EGFLAM: variants seen among roughly 807,000 people sequenced by gnomAD.
The protein encoded by EGFLAM is pikachurin.
EGFLAM carries 79 observed loss-of-function variants against 113.1 expected under a neutral mutation model. The ratio of observed to expected loss-of-function variants is 0.70; its 90% CI spans 0.58 to 0.84. EGFLAM has a LOEUF of 0.84. EGFLAM is among the 40% of genes least tolerant of loss of function. The probability of loss-of-function intolerance (pLI) is 0.00; values close to 1 mark genes in which losing one functional copy is unlikely to be tolerated. For missense variants in EGFLAM, 1,265 were observed against 1,291.6 expected, an observed-to-expected ratio of 0.98 and a Z score of 0.32; for synonymous variants, 504 against 487.6, an observed-to-expected ratio of 1.03 and a Z score of -0.44.
intron 19 of EGFLAM, 24 bp from the exon 20 acceptor site, chr5:38,458,287 T>C: frequency 6.2e-7 from 1 of 1,608,460 alleles, no homozygotes; most frequent in Non-Finnish European, 8.5e-7. Context: ...CTGTTCTCTG[T>C]CTTCTTCTTC....
chr5:38,453,400 C>A (rs550075995), intron 19 of EGFLAM, among the ~76,000 whole-genome samples: 1 of 152,212 alleles, frequency 6.6e-6, no homozygotes, highest in African/African-American at 2.4e-5. Flanking sequence ...TACTGACAGC[C>A]CAAGTAGGAT....
chr5:38,293,898 A>C (rs1468308953), intron 1 of EGFLAM, among the ~76,000 whole-genome samples: 2 of 152,234 alleles, frequency 1.3e-5, no homozygotes, highest in East Asian at 3.8e-4. Context: ...ATTAAGGAAC[A>C]GTAAATTCAG....
At chr5:38,420,298 A>T (rs1042179399) in intron 12 of EGFLAM, among the ~76,000 whole-genome samples, 5 of 152,250 alleles carry the variant, frequency 3.3e-5, no homozygotes. Flanking sequence ...CCATCCATTG[A>T]TTACTTGGTC....
At chr5:38,362,247 T>A (rs1261866428) in intron 5 of EGFLAM, among the ~76,000 whole-genome samples, 7 of 152,252 alleles carry the variant, frequency 4.6e-5, no homozygotes, top group Non-Finnish European at 1.0e-4. Context: ...TGGATATGAC[T>A]AACTTGAAAG....
intron 1 of EGFLAM, among the ~76,000 whole-genome samples, chr5:38,265,617 G>A (rs1561254499): frequency 6.6e-6 from 1 of 152,232 alleles, no homozygotes; most frequent in Non-Finnish European, 1.5e-5. Flanking sequence ...TCGCCTTCGA[G>A]GAAGGACCCC....
chr5:38,460,139 A>T (rs1365557617), intron 20 of EGFLAM, among the ~76,000 whole-genome samples: 1 of 152,186 alleles, frequency 6.6e-6, no homozygotes, highest in African/African-American at 2.4e-5. Context: ...TGAGCTCTTT[A>T]CCTCTAACCA....
chr5:38,336,423 G>C lies in EGFLAM; in HGVS notation c.98-1097G>C, dbSNP rs150977075. On this transcript the variant is annotated intron_variant, in intron 1 of 21. Coordinates refer to ENST00000322350, the MANE Select transcript of EGFLAM (RefSeq NM_152403.4). ...CCCGTCTCTACTAGAAAATACAAAA[G>C]ATTAGCCGGGCATGGTGGCGAGCTC... Among the ~76,000 whole-genome samples the C allele has an allele frequency of 6.2e-3, 940 of 152,134 alleles. 11 individuals carry two copies. The highest frequency in any genetic ancestry group is 0.021 in the African/African-American group (873 of 41,496).
At chr5:38,280,273 T>G (rs902776650) in intron 1 of EGFLAM, among the ~76,000 whole-genome samples, 12 of 152,228 alleles carry the variant, frequency 7.9e-5, no homozygotes, top group African/African-American at 2.9e-4. Context: ...TTCCGGCATG[T>G]TCTGCCGTGC....
In EGFLAM at chr5:38,418,149, G is replaced by A. The variant is rs1579903000; in HGVS notation, c.1578G>A (p.Gly526=). The change falls in exon 12 of 22, where the codon GGG becomes GGA. Residue 526 remains glycine (G), a synonymous_variant. Transcript: ENST00000322350. ...PSAYWLVRAT[G]TNRGFQGCVQ... Reference sequence around the variant, plus strand: ...CTTACTGGTTGGTTAGAGCAACAGGGACAAACCGAGGCTTTCAAGGCTGTG... The same window carrying A: ...CTTACTGGTTGGTTAGAGCAACAGGAACAAACCGAGGCTTTCAAGGCTGTG... 6.2e-7 allele frequency: 1 copy of A among 1,614,192 alleles called. No individual in the cohort carries two copies. The highest frequency in any genetic ancestry group is 2.2e-5 in the East Asian group (1 of 44,872).
At chr5:38,362,313 A>G (rs1420700495) in intron 5 of EGFLAM, among the ~76,000 whole-genome samples, 1 of 152,214 alleles carries the variant, frequency 6.6e-6, no homozygotes, top group Non-Finnish European at 1.5e-5. Flanking sequence ...AGAGCTCGTC[A>G]TCATAACTAA....
intron 1 of EGFLAM, among the ~76,000 whole-genome samples, chr5:38,281,338 A>C (rs528044895): frequency 1.3e-5 from 2 of 151,588 alleles, no homozygotes; most frequent in East Asian, 3.9e-4. Flanking sequence ...GCCCAGCTGA[A>C]TTTGAATTTC....
At chr5:38,354,785 G>T (rs1411100092) in intron 5 of EGFLAM, among the ~76,000 whole-genome samples, 1 of 152,166 alleles carries the variant, frequency 6.6e-6, no homozygotes, top group Non-Finnish European at 1.5e-5. Flanking sequence ...GATAATCTGT[G>T]TAACCCTGAG....
At chr5:38,396,056 C>G (rs1740953001) in intron 6 of EGFLAM, among the ~76,000 whole-genome samples, 2 of 152,110 alleles carry the variant, frequency 1.3e-5, no homozygotes, top group Non-Finnish European at 2.9e-5. Flanking sequence ...TCACTGTACC[C>G]ACTCTTTAAA....
chr5:38,396,176 A>G (rs1016178485), intron 6 of EGFLAM, among the ~76,000 whole-genome samples: 4 of 152,160 alleles, frequency 2.6e-5, no homozygotes, highest in Non-Finnish European at 4.4e-5. Context: ...TCCCATAAAC[A>G]TATCACATGC....
intron 6 of EGFLAM, among the ~76,000 whole-genome samples, chr5:38,387,588 T>C (rs1740698985): frequency 6.6e-6 from 1 of 152,252 alleles, no homozygotes; most frequent in Admixed American, 6.5e-5. Flanking sequence ...ATTCTGACAG[T>C]GAATTCTCAG....
At chr5:38,262,593 G>A (rs1471737167) in intron 1 of EGFLAM, among the ~76,000 whole-genome samples, 1 of 151,988 alleles carries the variant, frequency 6.6e-6, no homozygotes, top group Non-Finnish European at 1.5e-5. Flanking sequence ...GTCATATTTT[G>A]TGTCCACCCT....
chr5:38,356,553 G>A (rs1739767574), intron 5 of EGFLAM, among the ~76,000 whole-genome samples: 1 of 152,140 alleles, frequency 6.6e-6, no homozygotes, highest in African/African-American at 2.4e-5. Flanking sequence ...CCTGACTTCC[G>A]GCCCGGTGCT....
chr5:38,402,523 G>C (rs1384890277), intron 6 of EGFLAM, among the ~76,000 whole-genome samples: 1 of 152,140 alleles, frequency 6.6e-6, no homozygotes, highest in Non-Finnish European at 1.5e-5. Context: ...CCTCCACAGT[G>C]GCTTCTTCTG....
Position 38,458,369 on chromosome 5 carries a change from C to T in EGFLAM, c.2746C>T (p.Arg916Trp), listed in dbSNP as rs550711191. 1.5e-5 allele frequency: 24 copies of T among 1,613,990 alleles called. 1 individual carries two copies. Among genetic ancestry groups the T allele is most frequent in the South Asian group, 8.8e-5 (8 of 91,040 alleles). The change falls in exon 20 of 22, where the codon CGG (arginine) becomes TGG (tryptophan). Residue 916 changes from arginine (R) to tryptophan (W), a missense_variant. Arg to Trp is a moderately radical substitution (Grantham distance 101, BLOSUM62 -3). Transcript: ENST00000322350. Reference protein sequence around the residue: ...IMVNGSFNDGRWHRVKAVRDG... With the variant: ...IMVNGSFNDGWWHRVKAVRDG... ...GGTGAATGGCTCCTTCAACGATGGT[C>T]GGTGGCACCGAGTTAAGGCCGTTAG... is the stretch of plus-strand genomic sequence containing the variant.
Sources: gnomAD v4.1 joint callset for allele counts (sites outside exome capture counted in the v4.1 genomes callset) on GRCh38, gnomAD v4.1.1 for gene constraint, MANE v1.5 for transcripts, NCBI Gene and HGNC (gene_info 2026-07-23, HGNC 2026-07-21) for gene names.